APOOL: variants seen among roughly 807,000 people sequenced by gnomAD.
APOOL encodes the protein MICOS complex subunit MIC27.
In APOOL, 12 loss-of-function variants were observed where a neutral mutation model predicts 23.1. The observed-to-expected ratio is 0.52, with a 90% CI of 0.33 to 0.84. The LOEUF (loss-of-function observed/expected upper bound fraction) is 0.84, where lower values mean the gene tolerates loss of function less well. Ranked by LOEUF, APOOL falls within the 40% of genes least tolerant of loss-of-function variation. APOOL has a pLI of 0.02. For synonymous variants in APOOL, 77 were observed against 69.9 expected (o/e 1.10, Z -0.51); for missense variants, 212 against 199.6 (o/e 1.06, Z -0.37).
intron 1 of APOOL, among the ~76,000 whole-genome samples, chrX:85,009,026 C>T (rs1921179391): frequency 1.8e-5 from 2 of 111,217 alleles, no homozygotes; most frequent in South Asian, 7.4e-4. Flanking sequence ...AATGGGATTG[C>T]TTTCTTTCTT....
intron 8 of APOOL, among the ~76,000 whole-genome samples, chrX:85,085,384 T>C (rs1344971015): frequency 1.8e-5 from 2 of 111,773 alleles, no homozygotes; most frequent in Non-Finnish European, 3.8e-5. Context: ...TTCTATAACA[T>C]ACCCCCAGAG....
chrX:85,087,333 G>C (rs1364984928), intron 8 of APOOL, among the ~76,000 whole-genome samples: 1 of 110,878 alleles, frequency 9.0e-6, no homozygotes, highest in Non-Finnish European at 1.9e-5. Context: ...CACCTTTCCA[G>C]AAGGCTTTCC....
At chrX:85,061,955 C>G (rs1318069240) in intron 5 of APOOL, among the ~76,000 whole-genome samples, 1 of 111,154 alleles carries the variant, frequency 9.0e-6, no homozygotes, top group Non-Finnish European at 1.9e-5. Context: ...TTTTCTAGTT[C>G]TTTTAATTGT....
At position 85,063,931 on chromosome X, in the gene APOOL, AG is replaced by A. The variant is rs969047444; in HGVS notation, c.395-3195del. Reference sequence around the variant, plus strand: ...GAGTCACTCCTTTTCAGTTGTTTGGAGTAGTTTCAGAAGAAATGGTACCAGC... The same window carrying A: ...GAGTCACTCCTTTTCAGTTGTTTGGATAGTTTCAGAAGAAATGGTACCAGC... On this transcript the variant is annotated intron_variant, in intron 5 of 8. Transcript: ENST00000373173. Among the ~76,000 whole-genome samples the A allele has an allele frequency of 5.4e-5, 6 of 110,965 alleles. No individual in the cohort carries two copies. The Admixed American group carries it at 5.8e-4, about 11-fold the overall frequency.
intron 1 of APOOL, among the ~76,000 whole-genome samples, chrX:85,031,652 G>A (rs1922042235): frequency 1.8e-5 from 2 of 110,678 alleles, no homozygotes; most frequent in Admixed American, 9.6e-5. Flanking sequence ...GTACTGTTAG[G>A]TACAGGAGAG....
intron 8 of APOOL, among the ~76,000 whole-genome samples, chrX:85,081,359 G>T (rs1040722694): frequency 9.0e-6 from 1 of 111,085 alleles, no homozygotes; most frequent in African/African-American, 3.3e-5. Flanking sequence ...GCTTAGTTTG[G>T]CTGGATATGA....
chrX:85,015,651 C>T (rs1426511926), intron 1 of APOOL, among the ~76,000 whole-genome samples: 4 of 108,630 alleles, frequency 3.7e-5, no homozygotes, highest in Non-Finnish European at 7.6e-5. Flanking sequence ...TCACTGCAAC[C>T]TCCGCCTCCC....
chrX:85,048,048 A>G (rs751555966), intron 2 of APOOL, among the ~76,000 whole-genome samples: 1 of 111,643 alleles, frequency 9.0e-6, no homozygotes, highest in African/African-American at 3.2e-5. Context: ...ATATACATCT[A>G]TAACCATTTC....
At chrX:85,015,999 A>G (rs1921458994) in intron 1 of APOOL, among the ~76,000 whole-genome samples, 1 of 110,735 alleles carries the variant, frequency 9.0e-6, no homozygotes, top group Non-Finnish European at 1.9e-5. Context: ...TGGTAGTTAT[A>G]TTTGTGGTGT....
At chrX:85,054,998 G>C (rs974355921) in intron 4 of APOOL, among the ~76,000 whole-genome samples, 6 of 111,632 alleles carry the variant, frequency 5.4e-5, no homozygotes, top group African/African-American at 1.9e-4. Flanking sequence ...ATGGTGTTTG[G>C]CAACAGATAT....
chrX:85,061,873 A>G (rs1923240647), intron 5 of APOOL, among the ~76,000 whole-genome samples: 2 of 109,390 alleles, frequency 1.8e-5, no homozygotes, highest in Non-Finnish European at 3.8e-5. Context: ...TTTTGTATCT[A>G]TTTCCTTCAG....
chrX:85,074,013 G>A lies in APOOL; in HGVS notation c.502G>A (p.Val168Ile), dbSNP rs373265700. The A allele has an allele frequency of 5.6e-5, 65 of 1,157,524 alleles. No individual in the cohort carries two copies. Among genetic ancestry groups the A allele is most frequent in the Non-Finnish European group, 6.7e-5 (58 of 869,066 alleles). ...VIIAKVTAKK[V>I]YATSQQIFGA... ...TTTTAATTAGGTAACAGCAAAAAAG[G>A]TATATGCTACAAGCCAGCAAATTTT... Residue 168 changes from valine (V) to isoleucine (I), a missense_variant, in exon 7 of 9, where the codon GTA (valine) becomes ATA (isoleucine). Physicochemically the swap from Val to Ile is conservative, Grantham distance 29. Coordinates refer to ENST00000373173, the MANE Select transcript of APOOL (RefSeq NM_198450.6).
chrX:85,068,621 G>C (rs1216238269), intron 6 of APOOL, among the ~76,000 whole-genome samples: 1 of 108,531 alleles, frequency 9.2e-6, no homozygotes, highest in East Asian at 2.9e-4. Flanking sequence ...GGCCAGGCTG[G>C]TCTCGAACTC....
At chrX:85,083,531 C>G (rs1283685434) in intron 8 of APOOL, among the ~76,000 whole-genome samples, 1 of 110,758 alleles carries the variant, frequency 9.0e-6, no homozygotes, top group Non-Finnish European at 1.9e-5. Flanking sequence ...AATTCAAAGA[C>G]AAGTCAATAA....
chrX:85,060,050 T>C (rs1469426547), intron 5 of APOOL, among the ~76,000 whole-genome samples: 2 of 111,262 alleles, frequency 1.8e-5, no homozygotes, highest in Non-Finnish European at 3.8e-5. Flanking sequence ...GAATTAATTT[T>C]TGTATAAGGT....
At chrX:85,022,798 A>G (rs766183643) in intron 1 of APOOL, among the ~76,000 whole-genome samples, 5 of 111,956 alleles carry the variant, frequency 4.5e-5, no homozygotes, top group East Asian at 5.6e-4. Flanking sequence ...AAGAAGTTCA[A>G]TTGTCCTTAT....
chrX:85,026,831 A>T (rs753138416), intron 1 of APOOL, among the ~76,000 whole-genome samples: 1 of 111,822 alleles, frequency 8.9e-6, no homozygotes, highest in East Asian at 2.8e-4. Context: ...CATTTTGGTC[A>T]AAACCATTTA....
intron 1 of APOOL, among the ~76,000 whole-genome samples, chrX:85,039,723 C>G (rs1922345978): frequency 9.0e-6 from 1 of 111,518 alleles, no homozygotes. Context: ...TTAGCATCCC[C>G]TGCCCTTTTT....
Position 85,046,455 on chromosome X carries a change from C to T in APOOL, c.25C>T (p.Leu9=), listed in dbSNP as rs1307238671. The change falls in exon 2 of 9, where the codon CTG becomes TTG. Residue 9 remains leucine (L), a synonymous_variant. Transcript: ENST00000373173. Reference sequence around the variant, plus strand: ...GATATATCTTTCTTAGATGGGAAAACTGACAACCATGCCTGCAGGTCTGAT... The same window carrying T: ...GATATATCTTTCTTAGATGGGAAAATTGACAACCATGCCTGCAGGTCTGAT... The part of the protein sequence containing the change: MAAIRMGK[L]TTMPAGLIYA... The T allele has an allele frequency of 1.7e-6, 2 of 1,200,514 alleles. No homozygotes were observed. Among genetic ancestry groups the T allele is most frequent in the Non-Finnish European group, 2.2e-6 (2 of 891,128 alleles).
Sources: gnomAD v4.1 joint callset for allele counts (sites outside exome capture counted in the v4.1 genomes callset) on GRCh38, gnomAD v4.1.1 for gene constraint, MANE v1.5 for transcripts, NCBI Gene and HGNC (gene_info 2026-07-23, HGNC 2026-07-21) for gene names.